Variants in BTD observed in about 807,000 individuals in gnomAD.
The protein encoded by BTD is biocytinase.
A neutral mutation model predicts 17.7 loss-of-function variants in BTD; 13 were observed. The ratio of observed to expected loss-of-function variants is 0.74; its 90% CI spans 0.48 to 1.17. The LOEUF (loss-of-function observed/expected upper bound fraction) is 1.17. BTD is among the 50% of genes most tolerant of loss of function. BTD has a pLI of 0.00. For synonymous variants in BTD, 240 were observed against 245.2 expected, an observed-to-expected ratio of 0.98 and a Z score of 0.20; for missense variants, 674 against 650.4, an observed-to-expected ratio of 1.04 and a Z score of -0.39.
chr3:15,615,662 A>C (rs954860453), intron 1 of BTD, among the ~76,000 whole-genome samples: 3 of 152,228 alleles, frequency 2.0e-5, no homozygotes, highest in African/African-American at 7.2e-5. Context: ...GAAAGTTTAC[A>C]TATACTCCCT....
chr3:15,618,266 G>A (rs2064847754), intron 1 of BTD, among the ~76,000 whole-genome samples: 1 of 152,136 alleles, frequency 6.6e-6, no homozygotes, highest in Non-Finnish European at 1.5e-5. Flanking sequence ...TGCTCCATAT[G>A]CAGTTTAGAA....
chr3:15,681,993 G>C (rs2067594615), intron 3 of BTD, among the ~76,000 whole-genome samples: 1 of 152,060 alleles, frequency 6.6e-6, no homozygotes, highest in African/African-American at 2.4e-5. Flanking sequence ...TACAGCAATG[G>C]AAAGTTGTCC....
downstream of BTD, among the ~76,000 whole-genome samples, chr3:15,714,984 T>C (rs994045405): frequency 6.6e-6 from 1 of 152,166 alleles, no homozygotes; most frequent in African/African-American, 2.4e-5. Flanking sequence ...GAATCCTTCC[T>C]TGACCAAGTA....
At chr3:15,690,156 C>T (rs1010004431) in intron 3 of BTD, 10 of 1,609,506 alleles carry the variant, frequency 6.2e-6, no homozygotes, top group Non-Finnish European at 8.5e-6. Flanking sequence ...ACTACTATTT[C>T]TGACATCAAG....
chr3:15,690,685 C>A (rs952166386), intron 3 of BTD, among the ~76,000 whole-genome samples: 3 of 152,200 alleles, frequency 2.0e-5, no homozygotes, highest in Non-Finnish European at 2.9e-5. Context: ...CCACCTCAGC[C>A]TCCTGAGTAG....
intron 3 of BTD, chr3:15,677,205 A>C (rs1042342074): frequency 1.5e-6 from 1 of 685,272 alleles, no homozygotes; most frequent in African/African-American, 1.8e-5. Context: ...ATATTTGCCC[A>C]AACACATCTT....
At chr3:15,689,875 G>A (rs753150651) in intron 3 of BTD, 208 of 674,868 alleles carry the variant, frequency 3.1e-4, no homozygotes, top group Non-Finnish European at 4.5e-4. Flanking sequence ...AAGTTATTTG[G>A]TGAGGTCAAA....
Position 15,644,825 on chromosome 3 carries a change from T to C in BTD, c.909T>C (p.His303=). The C allele has an allele frequency of 6.2e-7, 1 of 1,614,152 alleles. No individual in the cohort carries two copies. The highest frequency in any genetic ancestry group is 8.5e-7 in the Non-Finnish European group (1 of 1,180,018). ...IHTPLESFWY[H]DMENPKSHLI... ...CCCCTCTGGAGTCCTTTTGGTACCA[T>C]GACATGGAAAATCCCAAAAGTCACC... The change falls in exon 4 of 4, where the codon CAT becomes CAC. Residue 303 remains histidine (H), a synonymous_variant. Transcript: ENST00000643237.
intron 3 of BTD, chr3:15,642,297 T>C: frequency 7.1e-7 from 1 of 1,414,062 alleles, no homozygotes; most frequent in South Asian, 1.6e-5. Context: ...AATACAGGAA[T>C]GTATACTTAA....
chr3:15,701,573 G>A (rs2070628796), intron 3 of BTD, among the ~76,000 whole-genome samples: 1 of 152,094 alleles, frequency 6.6e-6, no homozygotes, highest in South Asian at 2.1e-4. Context: ...GAACCCAGGA[G>A]GCGGAGGTTG....
downstream of BTD, among the ~76,000 whole-genome samples, chr3:15,714,034 C>T (rs2072675892): frequency 6.6e-6 from 1 of 152,158 alleles, no homozygotes; most frequent in African/African-American, 2.4e-5. Flanking sequence ...TTCAACTTTT[C>T]CCCTGCAAAA....
chr3:15,653,130 C>G lies in BTD; in HGVS notation c.*7642C>G, dbSNP rs1219841796. Among the ~76,000 whole-genome samples, 2 of 152,208 alleles carry G rather than the reference C, an allele frequency of 1.3e-5. No individual in the cohort carries two copies. The highest frequency in any genetic ancestry group is 2.9e-5 in the Non-Finnish European group (2 of 68,038). The stretch of plus-strand genomic sequence containing the variant: ...AAAGGTGGGCTCCAGGCAGCAGCAC[C>G]AGTAGCACCTGGGAAATTGTTGGAA... On this transcript the variant is annotated 3_prime_UTR_variant, in exon 4 of 4. Transcript: ENST00000643237.
rs117220350 is a variant in BTD, at chr3:15,686,131, C to G, written c.400-23929C>G. The G allele has an allele frequency of 1.7e-3, 2,701 of 1,610,280 alleles. 24 individuals are homozygous for G. The East Asian group carries it at 0.023, about 14-fold the overall frequency. ...GCATCAGAGGCGTCCTGAGCAACAA[C>G]AGGAATAGGTTCAGTGCTGTCACTT... On this transcript the variant is annotated intron_variant, in intron 3 of 3. Coordinates refer to the BTD transcript ENST00000672141.
intron 1 of BTD, among the ~76,000 whole-genome samples, chr3:15,620,263 T>C (rs772656536): frequency 6.6e-6 from 1 of 152,174 alleles, no homozygotes; most frequent in African/African-American, 2.4e-5. Context: ...CTAGGACTTA[T>C]CTCAATCCTT....
intron 3 of BTD, among the ~76,000 whole-genome samples, chr3:15,680,025 T>G (rs1174160406): frequency 6.6e-6 from 1 of 152,152 alleles, no homozygotes; most frequent in Non-Finnish European, 1.5e-5. Flanking sequence ...TATAAGGGAC[T>G]TGAGCGCCTG....
At chr3:15,699,628 A>ATG (rs1459612896) in intron 3 of BTD, among the ~76,000 whole-genome samples, 111 of 152,294 alleles carry the variant, frequency 7.3e-4, no homozygotes, top group African/African-American at 2.6e-3. Context: ...ATAGACATAC[A>ATG]AAAAAATGCT....
At chr3:15,661,286 A>G (rs1246907991) in intron 3 of BTD, among the ~76,000 whole-genome samples, 3 of 121,474 alleles carry the variant, frequency 2.5e-5, no homozygotes, top group Admixed American at 8.3e-5. Context: ...AAAAAAAAAA[A>G]AAAAAAAGAA....
At chr3:15,604,045 A>T (rs1402936190) in intron 1 of BTD, among the ~76,000 whole-genome samples, 3 of 152,224 alleles carry the variant, frequency 2.0e-5, no homozygotes, top group African/African-American at 7.2e-5. Context: ...TAGATCTACC[A>T]TTCTGGGGTC....
At chr3:15,603,484 T>C (rs1440693492) in intron 1 of BTD, among the ~76,000 whole-genome samples, 2 of 151,988 alleles carry the variant, frequency 1.3e-5, no homozygotes, top group Non-Finnish European at 2.9e-5. Context: ...GGTGAAACCC[T>C]ATCTCTACTA....
Sources: allele counts gnomAD v4.1 joint callset (sites outside exome capture counted in the v4.1 genomes callset), GRCh38; gene constraint gnomAD v4.1.1; transcripts MANE v1.5; gene names NCBI Gene and HGNC (gene_info 2026-07-23, HGNC 2026-07-21).